Variants in TBL1X observed in about 807,000 individuals in gnomAD.
TBL1X encodes the protein transducin beta like 1 X-linked.
TBL1X carries 10 observed loss-of-function variants against 50.7 expected under a neutral mutation model. The observed-to-expected ratio is 0.20, with a 90% CI of 0.12 to 0.33. TBL1X has a LOEUF of 0.33. Ranked by LOEUF, TBL1X falls within the 10% of genes least tolerant of loss-of-function variation. TBL1X has a pLI of 1.00. For synonymous variants in TBL1X, 190 were observed against 214.7 expected, an observed-to-expected ratio of 0.88 and a Z score of 1.01; for missense variants, 340 against 504.4, an observed-to-expected ratio of 0.67 and a Z score of 3.12.
chrX:9,654,432 A>G lies in TBL1X; in HGVS notation c.211+110A>G, dbSNP rs1601819125. 9.5e-6 allele frequency: 7 copies of G among 739,683 alleles called. No individual in the cohort carries two copies. The East Asian group carries it at 2.8e-4, about 29-fold the overall frequency. 61.0% of individuals were successfully genotyped at this position (739,683 alleles called of 1,213,427 possible). A position where few individuals can be genotyped will look rare whatever the true frequency, so the allele number is the denominator to read the frequency against. On this transcript the variant is annotated intron_variant, in intron 5 of 17. Transcript: ENST00000645353. ...CTGTAGAAGAAGAAGAAGAAGAGCT[A>G]AGAAGGTTCTTAGTGCTGATGGGGA...
intron 2 of TBL1X, among the ~76,000 whole-genome samples, chrX:9,589,816 G>A (rs774423809): frequency 2.7e-5 from 3 of 111,512 alleles, no homozygotes; most frequent in Non-Finnish European, 3.8e-5. Context: ...TCTCCTCTAA[G>A]ACATTTGTTA....
At chrX:9,621,531 C>CT (rs1197799392) in intron 2 of TBL1X, among the ~76,000 whole-genome samples, 3 of 111,656 alleles carry the variant, frequency 2.7e-5, no homozygotes, top group Admixed American at 9.5e-5. Context: ...TCCTCCTGTC[C>CT]TTTTTTTCTG....
At chrX:9,620,824 T>A (rs1425221483) in intron 2 of TBL1X, among the ~76,000 whole-genome samples, 1 of 111,881 alleles carries the variant, frequency 8.9e-6, no homozygotes, top group Non-Finnish European at 1.9e-5. Flanking sequence ...CACTAACCAG[T>A]GGCTGGCTGC....
intron 1 of TBL1X, among the ~76,000 whole-genome samples, chrX:9,499,098 A>G (rs949282874): frequency 3.6e-5 from 4 of 111,741 alleles, no homozygotes; most frequent in Non-Finnish European, 7.5e-5. Flanking sequence ...TGAATAGTGG[A>G]CAGCCCTGGT....
At position 9,505,501 on chromosome X, in the gene TBL1X, G is replaced by A. The variant is rs2082021550; in HGVS notation, c.-131+3652G>A. 2.7e-5 allele frequency among the ~76,000 whole-genome samples: 3 copies of A among 111,922 alleles called. No individual in the cohort carries two copies. In the Admixed American group the frequency reaches 2.8e-4, roughly 11 times the overall value. The stretch of plus-strand genomic sequence containing the variant: ...TGCCCCAATTAAAAGACACAGACTA[G>A]CAAATTGGATAAGGAGTCAAGACTC... On this transcript the variant is annotated intron_variant, in intron 2 of 17. Transcript: ENST00000645353.
At chrX:9,509,815 C>G (rs2082046593) in intron 2 of TBL1X, among the ~76,000 whole-genome samples, 1 of 110,693 alleles carries the variant, frequency 9.0e-6, no homozygotes, top group African/African-American at 3.3e-5. Flanking sequence ...TGATTTTTTG[C>G]TGTCACTGTT....
At chrX:9,678,013 A>G (rs748009739) in intron 5 of TBL1X, among the ~76,000 whole-genome samples, 1 of 111,254 alleles carries the variant, frequency 9.0e-6, no homozygotes, top group East Asian at 2.8e-4. Flanking sequence ...ATTGCATCCA[A>G]TATGGTCCTT....
rs778130551 is a variant in TBL1X at position 9,557,026 on chromosome X, G to C, written c.-131+55177G>C. Among the ~76,000 whole-genome samples, 6 of 111,637 alleles carry C rather than the reference G, an allele frequency of 5.4e-5. No individual in the cohort carries two copies. The East Asian group carries it at 1.7e-3, about 31-fold the overall frequency. On this transcript the variant is annotated intron_variant, in intron 2 of 17. Coordinates refer to ENST00000645353, the MANE Select transcript of TBL1X (RefSeq NM_005647.4). The stretch of plus-strand genomic sequence containing the variant: ...ACTTTTTTAAAAGATGAACTGATTA[G>C]CAGCCTGAATTCCACCTGTAGCCTT...
chrX:9,609,336 GGT>G lies in TBL1X; in HGVS notation c.-130-30900_-130-30899del, dbSNP rs775969638. On this transcript the variant is annotated intron_variant, in intron 2 of 17. Transcript: ENST00000645353. Reference sequence around the variant, plus strand: ...CATTTTGGTGGTGTGTTTTCTTCCAGGTGTGTGTGTGTGTGTGTGTGTGTGTG... The same window carrying G: ...CATTTTGGTGGTGTGTTTTCTTCCAGGTGTGTGTGTGTGTGTGTGTGTGTG... 5.5e-3 allele frequency among the ~76,000 whole-genome samples: 521 copies of G among 94,459 alleles called. 7 individuals are homozygous for G. Among genetic ancestry groups the G allele is most frequent in the Admixed American group, 0.024 (207 of 8,662 alleles). The allele number at this position is 94,459 out of a possible 115,157, so 82.0% of individuals were successfully genotyped here.
In TBL1X at chrX:9,681,359, G is replaced by A. The variant is rs192127885; in HGVS notation, c.212-2684G>A. ...GGAATCTCGGAGTCACATAGTCTACGGTTCACAGTTTAGTTCAGCGTCATA... is the reference window on the plus strand; with the variant it reads ...GGAATCTCGGAGTCACATAGTCTACAGTTCACAGTTTAGTTCAGCGTCATA... On this transcript the variant is annotated intron_variant, in intron 5 of 17. Transcript: ENST00000645353. 7.4e-3 allele frequency among the ~76,000 whole-genome samples: 828 copies of A among 112,106 alleles called. 7 individuals carry two copies. The highest frequency in any genetic ancestry group is 0.025 in the African/African-American group (776 of 30,860).
At chrX:9,646,971 G>C (rs1193433587) in intron 3 of TBL1X, among the ~76,000 whole-genome samples, 1 of 111,731 alleles carries the variant, frequency 9.0e-6, no homozygotes, top group Non-Finnish European at 1.9e-5. Context: ...ACCAGCACCA[G>C]CTCTCCAGCA....
At chrX:9,558,517 C>T (rs775588438) in intron 2 of TBL1X, among the ~76,000 whole-genome samples, 4 of 93,814 alleles carry the variant, frequency 4.3e-5, no homozygotes, top group African/African-American at 1.2e-4. Flanking sequence ...AACTCCATCT[C>T]AAAAAAAAAA....
intron 3 of TBL1X, among the ~76,000 whole-genome samples, chrX:9,652,192 A>G (rs2082839286): frequency 8.9e-6 from 1 of 112,086 alleles, no homozygotes; most frequent in East Asian, 2.8e-4. Flanking sequence ...AGATCATGCA[A>G]TGTGGTGTTA....
At chrX:9,560,192 C>T (rs749687318) in intron 2 of TBL1X, among the ~76,000 whole-genome samples, 1 of 112,069 alleles carries the variant, frequency 8.9e-6, no homozygotes, top group Non-Finnish European at 1.9e-5. Context: ...TGTAGTGTTC[C>T]TTGCATGCCA....
At chrX:9,582,289 A>G (rs150586791) in intron 2 of TBL1X, among the ~76,000 whole-genome samples, 2,670 of 112,157 alleles carry the variant, frequency 0.024, 28 homozygotes, top group Middle Eastern at 0.046. Flanking sequence ...CCCATGTTAC[A>G]TAAATTAGAT....
chrX:9,651,910 C>G lies in TBL1X; in HGVS notation c.-42-1635C>G, dbSNP rs187859139. 4.4e-3 allele frequency among the ~76,000 whole-genome samples: 499 copies of G among 112,504 alleles called. 3 individuals carry two copies. The highest frequency in any genetic ancestry group is 0.015 in the African/African-American group (473 of 30,940). On this transcript the variant is annotated intron_variant, in intron 3 of 17. Transcript: ENST00000645353. ...TCGCCAGGGCAGCTGCATTCATTATCTCTTGCTGGATAACAGACGACCACA... is the reference window on the plus strand; with the variant it reads ...TCGCCAGGGCAGCTGCATTCATTATGTCTTGCTGGATAACAGACGACCACA...
intron 2 of TBL1X, among the ~76,000 whole-genome samples, chrX:9,517,513 A>G (rs762404693): frequency 2.5e-4 from 28 of 111,833 alleles, no homozygotes; most frequent in Non-Finnish European, 4.3e-4. Flanking sequence ...AATCCACATC[A>G]CTAGAAAGAC....
At chrX:9,514,952 G>C (rs1019779243) in intron 2 of TBL1X, among the ~76,000 whole-genome samples, 3 of 112,011 alleles carry the variant, frequency 2.7e-5, no homozygotes, top group African/African-American at 9.7e-5. Flanking sequence ...GACTTTCTTG[G>C]AGGCCGAGGT....
chrX:9,591,896 GC>G (rs751032040), intron 2 of TBL1X, among the ~76,000 whole-genome samples: 1 of 112,381 alleles, frequency 8.9e-6, no homozygotes, highest in East Asian at 2.8e-4. Context: ...CTGGCATGGA[GC>G]ATGGGCTCGA....
Sources: gnomAD v4.1 joint callset for allele counts (sites outside exome capture counted in the v4.1 genomes callset) on GRCh38, gnomAD v4.1.1 for gene constraint, MANE v1.5 for transcripts, NCBI Gene and HGNC (gene_info 2026-07-23, HGNC 2026-07-21) for gene names.